PRSS12: variants seen among roughly 807,000 people sequenced by gnomAD.
PRSS12 encodes serine protease 12.
Under a neutral mutation model 104.4 loss-of-function variants are expected in PRSS12, and 85 were observed. The ratio of observed to expected loss-of-function variants is 0.81; its 90% CI spans 0.68 to 0.98. The LOEUF (loss-of-function observed/expected upper bound fraction) is 0.98. Among genes scored for constraint, PRSS12 ranks in the 50% least tolerant of loss-of-function variants. The pLI, the probability that PRSS12 is intolerant of heterozygous loss-of-function variation, is 0.00. For synonymous variants in PRSS12, 454 were observed against 425.2 expected (o/e 1.07, Z -0.83); for missense variants, 1,141 against 1,139.2 (o/e 1.00, Z -0.02).
chr4:118,298,903 C>G lies in PRSS12; in HGVS notation c.1667G>C (p.Gly556Ala), dbSNP rs758401281. 4 of 1,614,174 alleles carry G rather than the reference C, an allele frequency of 2.5e-6. No individual in the cohort carries two copies. The highest frequency in any genetic ancestry group is 3.4e-6 in the Non-Finnish European group (4 of 1,180,034). ...PARARTMAYF[G>A]EGKGPIHVDN... ...CACATGGATGGGTCCTTTTCCTTCT[C>G]CAAAGTAAGCCATGGTTCTTGCTCT... Residue 556 changes from glycine (G) to alanine (A), a missense_variant, in exon 9 of 13, where the codon GGA becomes GCA. Gly to Ala is a moderately conservative substitution (Grantham distance 60). Transcript: ENST00000296498.
At chr4:118,327,589 A>C (rs1400347578) in intron 4 of PRSS12, among the ~76,000 whole-genome samples, 3 of 152,210 alleles carry the variant, frequency 2.0e-5, no homozygotes, top group Non-Finnish European at 4.4e-5. Flanking sequence ...ACAATTTTTA[A>C]ATTCCCAAGT....
intron 2 of PRSS12, among the ~76,000 whole-genome samples, chr4:118,336,976 C>T (rs1051783717): frequency 2.6e-5 from 4 of 152,256 alleles, no homozygotes; most frequent in South Asian, 2.1e-4. Context: ...TAGGCTCTGG[C>T]CTTACTCCTT....
In PRSS12 at chr4:118,280,864, G is replaced by GT. The variant is rs1255216491; in HGVS notation, c.*1071dup. ...ACTGGTCTCACTTTGAGGCAAGCCT[G>GT]TTTTCCCCCATTTGAAAACAAGGGC... On this transcript the variant is annotated 3_prime_UTR_variant, in exon 13 of 13. Coordinates refer to ENST00000296498, the MANE Select transcript of PRSS12 (RefSeq NM_003619.4). The GT allele has an allele frequency of 6.6e-6, 1 of 152,230 alleles. No homozygotes were observed. The highest frequency in any genetic ancestry group is 1.9e-4 in the East Asian group (1 of 5,202). The allele number at this position is 152,230 out of a possible 1,614,324, so 9.4% of individuals were successfully genotyped here. A position where few individuals can be genotyped will look rare whatever the true frequency, so the allele number is the denominator to read the frequency against.
Position 118,308,576 on chromosome 4 carries a change from A to G in PRSS12, c.1491T>C (p.Gly497=). 1 of 1,613,872 alleles carries G rather than the reference A, an allele frequency of 6.2e-7. No homozygotes were observed. Among genetic ancestry groups the G allele is most frequent in the Non-Finnish European group, 8.5e-7 (1 of 1,179,892 alleles). The change falls in exon 8 of 13, where the codon GGT becomes GGC. Residue 497 remains glycine (G), a splice_region_variant and synonymous_variant. Transcript: ENST00000296498. ...PGGEGHRLSL[G]FPVRLMDGEN... The stretch of plus-strand genomic sequence containing the variant: ...CTCCATCCATCAGTCTGACAGGAAA[A>G]CCTAAGTCATGATTCAAAAGTATTA...
At chr4:118,292,674 C>T (rs1743155912) in intron 11 of PRSS12, among the ~76,000 whole-genome samples, 1 of 152,092 alleles carries the variant, frequency 6.6e-6, no homozygotes, top group African/African-American at 2.4e-5. Flanking sequence ...ACTCAGGTAA[C>T]ACAGGAATGT....
chr4:118,327,425 T>G (rs538522225), intron 4 of PRSS12, among the ~76,000 whole-genome samples: 7 of 152,270 alleles, frequency 4.6e-5, no homozygotes, highest in Non-Finnish European at 8.8e-5. Context: ...GTGTTGGGAT[T>G]ATAGGCGTGA....
At chr4:118,310,732 C>T (rs1445160935) in intron 7 of PRSS12, among the ~76,000 whole-genome samples, 1 of 152,028 alleles carries the variant, frequency 6.6e-6, no homozygotes, top group African/African-American at 2.4e-5. Context: ...AAGATAAATT[C>T]TAACATGCAT....
intron 4 of PRSS12, among the ~76,000 whole-genome samples, chr4:118,323,700 A>G (rs1483317175): frequency 6.6e-6 from 1 of 151,996 alleles, no homozygotes; most frequent in African/African-American, 2.4e-5. Flanking sequence ...ACCATACAGC[A>G]GAACACACCA....
At chr4:118,302,654 T>C (rs1743429242) in intron 8 of PRSS12, among the ~76,000 whole-genome samples, 1 of 152,212 alleles carries the variant, frequency 6.6e-6, no homozygotes, top group Non-Finnish European at 1.5e-5. Flanking sequence ...CTTGAACTCC[T>C]GGCCTCGAGA....
In PRSS12 at chr4:118,335,456, T is replaced by C. The variant is rs1368001415; in HGVS notation, c.820+17A>G. The C allele has an allele frequency of 6.2e-7, 1 of 1,609,494 alleles. No homozygotes were observed. Among genetic ancestry groups the C allele is most frequent in the Admixed American group, 1.7e-5 (1 of 59,532 alleles). On this transcript the variant is annotated intron_variant, in intron 3 of 12. Coordinates refer to ENST00000296498, the MANE Select transcript of PRSS12 (RefSeq NM_003619.4). ...CATAATGAAAGTAAAACAACAGAAC[T>C]TTTTTCTTTTTTTTACCATGGGAAA...
chr4:118,310,519 TA>T (rs1187248052), intron 7 of PRSS12, among the ~76,000 whole-genome samples: 2 of 152,218 alleles, frequency 1.3e-5, no homozygotes, highest in African/African-American at 2.4e-5. Context: ...TTGTCACTAT[TA>T]AGTTTGTGTT....
chr4:118,310,975 C>T (rs536366830), intron 7 of PRSS12, among the ~76,000 whole-genome samples: 4 of 152,110 alleles, frequency 2.6e-5, no homozygotes, highest in South Asian at 2.1e-4. Context: ...TGCTTGAATC[C>T]GGGAGGTGGA....
intron 4 of PRSS12, among the ~76,000 whole-genome samples, chr4:118,326,862 T>G (rs929933940): frequency 6.6e-6 from 1 of 152,192 alleles, no homozygotes; most frequent in African/African-American, 2.4e-5. Context: ...CAGGCTATCT[T>G]TGTTGTAAAG....
intron 2 of PRSS12, among the ~76,000 whole-genome samples, chr4:118,337,949 C>T (rs1578936910): frequency 6.6e-6 from 1 of 152,114 alleles, no homozygotes; most frequent in South Asian, 2.1e-4. Flanking sequence ...TTAGTATTTG[C>T]CCATTTTCCT....
intron 4 of PRSS12, among the ~76,000 whole-genome samples, chr4:118,322,561 A>ACACTTACTG (rs1481107424): frequency 1.3e-5 from 2 of 151,840 alleles, no homozygotes; most frequent in Non-Finnish European, 1.5e-5. Context: ...AAAAAAAAAA[A>ACACTTACTG]AAAATTACAA....
At chr4:118,310,990 G>GC (rs1398870455) in intron 7 of PRSS12, among the ~76,000 whole-genome samples, 2 of 152,098 alleles carry the variant, frequency 1.3e-5, no homozygotes, top group African/African-American at 4.8e-5. Context: ...GGTGGAGGTT[G>GC]CAGTGAGCCG....
At chr4:118,302,358 C>A (rs1428992703) in intron 8 of PRSS12, among the ~76,000 whole-genome samples, 1 of 152,162 alleles carries the variant, frequency 6.6e-6, no homozygotes, top group African/African-American at 2.4e-5. Flanking sequence ...GTCTTGAAAT[C>A]ACATTAAATT....
chr4:118,348,673 C>T (rs1724415073), intron 1 of PRSS12, among the ~76,000 whole-genome samples: 1 of 142,750 alleles, frequency 7.0e-6, no homozygotes, highest in African/African-American at 2.6e-5. Flanking sequence ...TTTTTTGAGA[C>T]AGAGTTTCGC....
At position 118,352,421 on chromosome 4, in the gene PRSS12, G is replaced by A. The variant is rs1724536225; in HGVS notation, c.300C>T (p.Val100=). Residue 100 remains valine (V), a synonymous_variant, in exon 1 of 13, where the codon GTC becomes GTT. Transcript: ENST00000296498. ...PWGCPAGEPW[V]SVTDFGAPCL... ...ACGGGGCGCCGAAGTCCGTCACGCT[G>A]ACCCATGGCTCGCCGGCGGGGCAGC... is the stretch of plus-strand genomic sequence containing the variant. 6.6e-7 allele frequency: 1 copy of A among 1,524,522 alleles called. No individual in the cohort carries two copies. The allele number at this position is 1,524,522 out of a possible 1,614,324, so 94.4% of individuals were successfully genotyped here. A position where few individuals can be genotyped will look rare whatever the true frequency, so the allele number is the denominator to read the frequency against.
Sources: gnomAD v4.1 joint callset for allele counts (sites outside exome capture counted in the v4.1 genomes callset) on GRCh38, gnomAD v4.1.1 for gene constraint, MANE v1.5 for transcripts, NCBI Gene and HGNC (gene_info 2026-07-23, HGNC 2026-07-21) for gene names.